Variants in ARX observed in about 807,000 individuals in gnomAD.
ARX encodes homeobox protein ARX.
A neutral mutation model predicts 23.1 loss-of-function variants in ARX; 1 was observed. The ratio of observed to expected loss-of-function variants is 0.04; its 90% CI spans 0.02 to 0.21. ARX has a LOEUF of 0.21. ARX is among the 10% of genes least tolerant of loss of function. The pLI is 1.00. For synonymous variants in ARX, 301 were observed against 270.1 expected, an observed-to-expected ratio of 1.11 and a Z score of -1.12; for missense variants, 380 against 527.5, an observed-to-expected ratio of 0.72 and a Z score of 2.74.
Position 25,007,232 on chromosome X carries a change from T to C in ARX, c.1327A>G (p.Ser443Gly), listed in dbSNP as rs2048682085. 2 of 1,136,989 alleles carry C rather than the reference T, an allele frequency of 1.8e-6. No homozygotes were observed. Among genetic ancestry groups the C allele is most frequent in the Non-Finnish European group, 2.3e-6 (2 of 864,347 alleles). The allele number at this position is 1,136,989 out of a possible 1,213,427, so 93.7% of individuals were successfully genotyped here. Residue 443 changes from serine to glycine, a missense_variant, in exon 4 of 5, where the codon AGC (serine) becomes GGC (glycine). Physicochemically the swap from Ser to Gly is moderately conservative, Grantham distance 56 (BLOSUM62 0). Coordinates refer to ENST00000379044, the MANE Select transcript of ARX (RefSeq NM_139058.3). ...GCCGAGCCCGGAGGCGGAGGTAGGCTCGGGAAGGCGGCGGCGGCGGCGGCG... is the reference window on the plus strand; with the variant it reads ...GCCGAGCCCGGAGGCGGAGGTAGGCCCGGGAAGGCGGCGGCGGCGGCGGCG... ...AAAAAAAAFP[S>G]LPPPPGSASL... is the part of the protein sequence containing the mutation.
intron 1 of ARX, 33 bp downstream of exon 1, chrX:25,015,508 GC>G: frequency 8.3e-7 from 1 of 1,200,460 alleles, no homozygotes. Context: ...AGGGCCCAAT[GC>G]CCTTAGTAAG....
intron 2 of ARX, among the ~76,000 whole-genome samples, chrX:25,012,454 G>A (rs752319750): frequency 7.1e-5 from 8 of 112,640 alleles, no homozygotes; most frequent in African/African-American, 9.7e-5. Flanking sequence ...AGGCGGGGGT[G>A]GCGAGCGCAC....
intron 2 of ARX, among the ~76,000 whole-genome samples, chrX:25,011,344 C>T (rs2048701794): frequency 9.0e-6 from 1 of 110,712 alleles, no homozygotes; most frequent in South Asian, 3.9e-4. Context: ...AGCCAAGGGG[C>T]TCAAACCCCT....
rs757654815 is a variant in ARX at position 25,010,251 on chromosome X, G to A, written c.1119+9C>T. ...CCTCCCTCCCTCTTCCCTCTGTTGT[G>A]CAGCTCACCTGGACTCGGGCCTCGG... On this transcript the variant is annotated intron_variant, in intron 3 of 4. Coordinates refer to ENST00000379044, the MANE Select transcript of ARX (RefSeq NM_139058.3). The A allele has an allele frequency of 2.5e-6, 3 of 1,188,340 alleles. No homozygotes were observed. The highest frequency in any genetic ancestry group is 3.4e-6 in the Non-Finnish European group (3 of 885,382).
Position 25,007,360 on chromosome X carries a change from A to T in ARX, c.1199T>A (p.Phe400Tyr). The T allele has an allele frequency of 8.7e-7, 1 of 1,147,822 alleles. No individual in the cohort carries two copies. Among genetic ancestry groups the T allele is most frequent in the Non-Finnish European group, 1.2e-6 (1 of 869,036 alleles). 94.6% of individuals were successfully genotyped at this position (1,147,822 alleles called of 1,213,427 possible). A position where few individuals can be genotyped will look rare whatever the true frequency, so the allele number is the denominator to read the frequency against. ...GTGGGTGGCGGAGAGCGGCCCCGGG[A>T]AGGGCAGCCCAGGGGGGTGGGTCTG... ...GAQTHPPGLP[F>Y]PGPLSATHPL... is the part of the protein sequence containing the mutation. The change falls in exon 4 of 5, where the codon TTC becomes TAC. Residue 400 changes from phenylalanine to tyrosine, a missense_variant. Physicochemically the swap from Phe to Tyr is conservative, Grantham distance 22. Transcript: ENST00000379044.
Position 25,004,687 on chromosome X carries a change from C to T in ARX, c.1672G>A (p.Gly558Ser). Residue 558 changes from glycine (G) to serine (S), a missense_variant, in exon 5 of 5, where the codon GGC (glycine) becomes AGC (serine). Physicochemically the swap from Gly to Ser is moderately conservative, Grantham distance 56 (BLOSUM62 0). This residue lies in a region of ARX where 121 missense variants were observed against 169.7 expected (regional missense o/e 0.71). Transcript: ENST00000379044. Reference sequence around the variant, plus strand: ...GGCAGCCTTTAGCACACCTCCTTGCCCGTGCTGGTGCCCGGCAGGATGTTG... The same window carrying T: ...GGCAGCCTTTAGCACACCTCCTTGCTCGTGCTGGTGCCCGGCAGGATGTTG... ...QLNILPGTST[G>S]KEVC 6.9e-6 allele frequency: 8 copies of T among 1,165,154 alleles called. No homozygotes were observed. The highest frequency in any genetic ancestry group is 9.2e-6 in the Non-Finnish European group (8 of 872,658).
At chrX:25,012,001 G>C (rs1229134156) in intron 2 of ARX, among the ~76,000 whole-genome samples, 1 of 112,315 alleles carries the variant, frequency 8.9e-6, no homozygotes, top group African/African-American at 3.2e-5. Flanking sequence ...CCGGGCCGGC[G>C]CCCCAGGTGG....
In ARX at chrX:25,013,538, CGG is replaced by C; in HGVS notation, c.455_456del (p.Ala152GlyfsTer85). On this transcript the variant is annotated frameshift_variant, in exon 2 of 5. Coordinates refer to ENST00000379044, the MANE Select transcript of ARX (RefSeq NM_139058.3). LOFTEE classifies it high-confidence loss of function. ...AGAAAAAAAA[A>X]AAAWDTLKIS... The stretch of plus-strand genomic sequence containing the variant: ...ATCTTGAGCGTGTCCCAGGCCGCGG[CGG>C]CCGCGGCCGCGGCTGCCGCGGCGGC... The C allele has an allele frequency of 3.9e-6, 3 of 778,444 alleles. No individual in the cohort carries two copies. Among genetic ancestry groups the C allele is most frequent in the Non-Finnish European group, 4.6e-6 (3 of 658,838 alleles). The allele number at this position is 778,444 out of a possible 1,213,427, so 64.2% of individuals were successfully genotyped here.
At chrX:25,008,149 G>A (rs765227671) in intron 3 of ARX, among the ~76,000 whole-genome samples, 1 of 112,517 alleles carries the variant, frequency 8.9e-6, no homozygotes, top group Non-Finnish European at 1.9e-5. Flanking sequence ...AGAAAGGCTC[G>A]AGTTAATTAG....
intron 4 of ARX, 127 bp from the exon 5 acceptor site, chrX:25,005,037 C>A (rs918408326): frequency 2.1e-6 from 2 of 949,457 alleles, no homozygotes. Flanking sequence ...GGATGGGCCG[C>A]GGCGGGGAAG....
chrX:25,014,332 T>C (rs1179959854), intron 1 of ARX, among the ~76,000 whole-genome samples: 1 of 112,328 alleles, frequency 8.9e-6, no homozygotes, highest in Admixed American at 9.4e-5. Flanking sequence ...GAAAACATTC[T>C]ACAACTTTAA....
At position 25,007,087 on chromosome X, in the gene ARX, C is replaced by T. The variant is rs773719123; in HGVS notation, c.1448+24G>A. On this transcript the variant is annotated intron_variant, in intron 4 of 4. Coordinates refer to ENST00000379044, the MANE Select transcript of ARX (RefSeq NM_139058.3). ...TGTGTATGAGAGACAGACAGACAGACAGACTTCCGAGGCTGCGCGTTACCT... is the reference window on the plus strand; with the variant it reads ...TGTGTATGAGAGACAGACAGACAGATAGACTTCCGAGGCTGCGCGTTACCT... 102 of 1,177,422 alleles carry T rather than the reference C, an allele frequency of 8.7e-5. 1 individual carries two copies. Among genetic ancestry groups the T allele is most frequent in the Non-Finnish European group, 1.1e-4 (95 of 878,989 alleles).
rs794727309 is a variant in ARX, at chrX:25,013,455, C to A, written c.540G>T (p.Ala180=). The A allele has an allele frequency of 1.5e-5, 14 of 931,185 alleles. No individual in the cohort carries two copies. The highest frequency in any genetic ancestry group is 1.9e-5 in the Non-Finnish European group (14 of 750,574). The allele number at this position is 931,185 out of a possible 1,213,427, so 76.7% of individuals were successfully genotyped here. The change falls in exon 2 of 5, where the codon GCG becomes GCT. Residue 180 remains alanine, a synonymous_variant. Transcript: ENST00000379044. ...SRSKSYRENG[A]PFVPPPPALD... ...GCGCGGGCGGCGGCGGCACGAAGGG[C>A]GCCCCGTTCTCGCGGTACGACTTGC...
At position 25,013,326 on chromosome X, in the gene ARX, G is replaced by A. The variant is rs1473823603; in HGVS notation, c.669C>T (p.Thr223=). 15 of 1,150,623 alleles carry A rather than the reference G, an allele frequency of 1.3e-5. No individual in the cohort carries two copies. The highest frequency in any genetic ancestry group is 1.7e-5 in the Non-Finnish European group (15 of 870,884). The allele number at this position is 1,150,623 out of a possible 1,213,427, so 94.8% of individuals were successfully genotyped here. A position where few individuals can be genotyped will look rare whatever the true frequency, so the allele number is the denominator to read the frequency against. Residue 223 remains threonine, a synonymous_variant, in exon 2 of 5, where the codon ACC becomes ACT. Transcript: ENST00000379044. ...SAPAAGGGTG[T]EDDEEELLED... ...CCAGCAGCTCCTCCTCGTCGTCCTCGGTGCCGGTGCCACCACCCGCAGCCG... is the reference window on the plus strand; with the variant it reads ...CCAGCAGCTCCTCCTCGTCGTCCTCAGTGCCGGTGCCACCACCCGCAGCCG...
intron 4 of ARX, chrX:25,006,526 G>C (rs567201140): frequency 8.9e-6 from 1 of 112,114 alleles, no homozygotes; most frequent in Non-Finnish European, 1.9e-5. Context: ...AAGATGAACT[G>C]TTTCTTTTAT....
chrX:25,014,956 A>C (rs749426195), intron 1 of ARX, among the ~76,000 whole-genome samples: 5 of 112,724 alleles, frequency 4.4e-5, no homozygotes, highest in Non-Finnish European at 7.5e-5. Flanking sequence ...ATAGCAGAGA[A>C]AAAATTAGCA....
At chrX:25,004,999 G>A in intron 4 of ARX, 89 bp from the exon 5 acceptor site, 1 of 1,036,694 alleles carries the variant, frequency 9.6e-7, no homozygotes, top group Non-Finnish European at 1.2e-6. Context: ...CGCCGGGGCA[G>A]CTGAGGGGCG....
chrX:25,007,919 A>G, intron 3 of ARX, among the ~76,000 whole-genome samples: 1 of 111,710 alleles, frequency 9.0e-6, no homozygotes, highest in Non-Finnish European at 1.9e-5. Flanking sequence ...TGGTGACTCT[A>G]GGGAATGGGC....
rs376415407 is a variant in ARX, at chrX:25,003,780, C to G, written c.*890G>C. 4 of 111,867 alleles carry G rather than the reference C, an allele frequency of 3.6e-5. No homozygotes were observed. The East Asian group carries it at 1.1e-3, about 31-fold the overall frequency. 9.2% of individuals were successfully genotyped at this position (111,867 alleles called of 1,213,427 possible). On this transcript the variant is annotated 3_prime_UTR_variant, in exon 5 of 5. Coordinates refer to ENST00000379044, the MANE Select transcript of ARX (RefSeq NM_139058.3). ...AAAGTGGTAACAATTACACATTACACAAAAGTACTGTACCATTGCCTTTAT... is the reference window on the plus strand; with the variant it reads ...AAAGTGGTAACAATTACACATTACAGAAAAGTACTGTACCATTGCCTTTAT...
Sources: allele counts gnomAD v4.1 joint callset (sites outside exome capture counted in the v4.1 genomes callset), GRCh38; gene constraint gnomAD v4.1.1; regional missense constraint gnomAD v4.1.1; transcripts MANE v1.5; gene names NCBI Gene and HGNC (gene_info 2026-07-23, HGNC 2026-07-21).